Variants in APLF observed in about 807,000 individuals in gnomAD.
APLF encodes aprataxin and PNKP like factor, also known as aprataxin and PNK-like factor.
In APLF, 61 loss-of-function variants were observed where a neutral mutation model predicts 55.6. The ratio of observed to expected loss-of-function variants is 1.10; its 90% CI spans 0.89 to 1.36. APLF has a LOEUF of 1.36. APLF is among the 40% of genes most tolerant of loss of function. The pLI is 0.00. For missense variants in APLF, 611 were observed against 602.5 expected, an observed-to-expected ratio of 1.01 and a Z score of -0.15; for synonymous variants, 207 against 214.8, an observed-to-expected ratio of 0.96 and a Z score of 0.32.
At chr2:68,543,981 CTT>C (rs71395974) in intron 7 of APLF, among the ~76,000 whole-genome samples, 9,900 of 128,722 alleles carry the variant, frequency 0.077, 325 homozygotes, top group Middle Eastern at 0.11. Context: ...ATTGTATTTT[CTT>C]TTTTTTTTTT....
chr2:68,495,384 A>G (rs1301777876), intron 2 of APLF, among the ~76,000 whole-genome samples: 6 of 152,220 alleles, frequency 3.9e-5, no homozygotes, highest in Non-Finnish European at 5.9e-5. Context: ...CACAAGTTCA[A>G]AACCCATTAG....
At chr2:68,484,456 A>T (rs563872195) in intron 1 of APLF, among the ~76,000 whole-genome samples, 1 of 152,220 alleles carries the variant, frequency 6.6e-6, no homozygotes, top group African/African-American at 2.4e-5. Context: ...TGGGAGGCAG[A>T]GGTGGGTGGA....
intron 8 of APLF, among the ~76,000 whole-genome samples, chr2:68,554,377 T>C (rs778502242): frequency 7.2e-5 from 11 of 152,132 alleles, no homozygotes; most frequent in Non-Finnish European, 1.3e-4. Flanking sequence ...TTTTTAAATC[T>C]AACAAAATTA....
chr2:68,508,161 C>G (rs966500632), intron 3 of APLF, among the ~76,000 whole-genome samples: 5 of 151,668 alleles, frequency 3.3e-5, no homozygotes, highest in African/African-American at 1.2e-4. Context: ...ATTGCCAAAA[C>G]AATCTTAGAA....
chr2:68,524,459 A>G (rs997793066), intron 5 of APLF, among the ~76,000 whole-genome samples: 1 of 152,178 alleles, frequency 6.6e-6, no homozygotes, highest in African/African-American at 2.4e-5. Context: ...TTTGTAAAGA[A>G]AGTTTTATTG....
At chr2:68,567,869 C>T (rs749407738) in intron 9 of APLF, among the ~76,000 whole-genome samples, 3 of 152,038 alleles carry the variant, frequency 2.0e-5, no homozygotes, top group Non-Finnish European at 4.4e-5. Flanking sequence ...TCAGCTGGGA[C>T]GATAATCACC....
At chr2:68,540,771 C>CGTGT (rs1046162460) in intron 7 of APLF, among the ~76,000 whole-genome samples, 1 of 148,304 alleles carries the variant, frequency 6.7e-6, no homozygotes, top group African/African-American at 2.5e-5. Flanking sequence ...TATGTGCATG[C>CGTGT]GTGTGTGTGT....
At chr2:68,472,778 T>A (rs766726576) in intron 1 of APLF, among the ~76,000 whole-genome samples, 43 of 152,206 alleles carry the variant, frequency 2.8e-4, no homozygotes, top group Non-Finnish European at 4.4e-4. Flanking sequence ...TGACCAGGCT[T>A]GTGGGATGAT....
chr2:68,518,342 T>C (rs1368364806), intron 5 of APLF, among the ~76,000 whole-genome samples: 2 of 113,652 alleles, frequency 1.8e-5, no homozygotes, highest in East Asian at 5.1e-4. Context: ...TAATAAATAA[T>C]TATATATTAA....
At chr2:68,511,341 A>T (rs772727407) in intron 3 of APLF, among the ~76,000 whole-genome samples, 4 of 151,746 alleles carry the variant, frequency 2.6e-5, no homozygotes, top group Non-Finnish European at 5.9e-5. Flanking sequence ...ATAAAATAAA[A>T]ATATATATCA....
At chr2:68,564,483 G>A (rs983214395) in intron 8 of APLF, among the ~76,000 whole-genome samples, 1 of 152,174 alleles carries the variant, frequency 6.6e-6, no homozygotes, top group South Asian at 2.1e-4. Context: ...ACTGACACAA[G>A]GCCTGGCATG....
intron 9 of APLF, among the ~76,000 whole-genome samples, chr2:68,573,127 A>G (rs910323666): frequency 1.3e-4 from 20 of 152,154 alleles, no homozygotes; most frequent in Admixed American, 9.2e-4. Context: ...CATGTTAAAG[A>G]GTTTATTATT....
intron 9 of APLF, chr2:68,568,384 G>T: frequency 2.3e-6 from 2 of 868,926 alleles, no homozygotes; most frequent in Non-Finnish European, 2.8e-6. Context: ...TCACTGTAAG[G>T]GAATTCCATT....
chr2:68,472,645 G>T (rs1207529580), intron 1 of APLF, among the ~76,000 whole-genome samples: 1 of 152,156 alleles, frequency 6.6e-6, no homozygotes, highest in Non-Finnish European at 1.5e-5. Flanking sequence ...TTGGTAGCAT[G>T]TTGAGTTTGA....
chr2:68,496,687 T>C (rs1257884372), intron 2 of APLF, among the ~76,000 whole-genome samples: 66 of 152,222 alleles, frequency 4.3e-4, no homozygotes, highest in South Asian at 2.1e-4. Context: ...CATCATTCTT[T>C]AGGTCAGACT....
At chr2:68,489,969 G>A (rs1287592498) in intron 1 of APLF, among the ~76,000 whole-genome samples, 1 of 152,044 alleles carries the variant, frequency 6.6e-6, no homozygotes, top group Non-Finnish European at 1.5e-5. Context: ...TAGGCTTGAG[G>A]CTCTGTTGTT....
At chr2:68,518,380 ATT>A (rs2103965569) in intron 5 of APLF, among the ~76,000 whole-genome samples, 1 of 105,198 alleles carries the variant, frequency 9.5e-6, no homozygotes, top group African/African-American at 4.8e-5. Flanking sequence ...ATATGACTGT[ATT>A]ATATTATTAA....
Position 68,580,060 on chromosome 2 carries a change from T to C in APLF, c.*2038T>C. 1.1e-6 allele frequency: 1 copy of C among 926,420 alleles called. No individual in the cohort carries two copies. The highest frequency in any genetic ancestry group is 1.3e-6 in the Non-Finnish European group (1 of 776,052). The allele number at this position is 926,420 out of a possible 1,614,324, so 57.4% of individuals were successfully genotyped here. The stretch of plus-strand genomic sequence containing the variant: ...TTCTTCGTAGTAATGTAATAGTTCA[T>C]GGTAGCTGCTTTTAACGATACAGTT... On this transcript the variant is annotated 3_prime_UTR_variant, in exon 10 of 10. Coordinates refer to ENST00000303795, the MANE Select transcript of APLF (RefSeq NM_173545.3).
chr2:68,476,835 A>G (rs1204359994), intron 1 of APLF, among the ~76,000 whole-genome samples: 1 of 152,194 alleles, frequency 6.6e-6, no homozygotes, highest in Non-Finnish European at 1.5e-5. Context: ...TGATGGTTGC[A>G]CAATTTTGTG....
Sources: allele counts gnomAD v4.1 joint callset (sites outside exome capture counted in the v4.1 genomes callset), GRCh38; gene constraint gnomAD v4.1.1; transcripts MANE v1.5; gene names NCBI Gene and HGNC (gene_info 2026-07-23, HGNC 2026-07-21).